The following STPG2 variants were observed in gnomAD, a reference collection of about 807,000 sequenced individuals.
STPG2 encodes sperm tail PG-rich repeat containing 2.
Under a neutral mutation model 54.2 loss-of-function variants are expected in STPG2, and 56 were observed. The ratio of observed to expected loss-of-function variants is 1.03; its 90% CI spans 0.83 to 1.29. The LOEUF is 1.29. Among genes scored for constraint, STPG2 ranks in the 50% most tolerant of loss-of-function variants. The pLI, the probability that STPG2 is intolerant of heterozygous loss-of-function variation, is 0.00. For missense variants in STPG2, 596 were observed against 544.9 expected, an observed-to-expected ratio of 1.09 and a Z score of -0.93; for synonymous variants, 200 against 181.8, an observed-to-expected ratio of 1.10 and a Z score of -0.81.
At chr4:97,468,453 T>G (rs1316506168) in intron 4 of STPG2, among the ~76,000 whole-genome samples, 1 of 152,036 alleles carries the variant, frequency 6.6e-6, no homozygotes, top group South Asian at 2.1e-4. Context: ...TTGCTATAAC[T>G]GACGTCACCT....
intron 9 of STPG2, among the ~76,000 whole-genome samples, chr4:97,800,053 C>G (rs534985785): frequency 6.6e-6 from 1 of 152,194 alleles, no homozygotes; most frequent in Non-Finnish European, 1.5e-5. Context: ...AAGGACTTCT[C>G]TACACTGATT....
intron 8 of STPG2, among the ~76,000 whole-genome samples, chr4:97,859,962 C>A (rs1247029966): frequency 6.6e-6 from 1 of 152,158 alleles, no homozygotes; most frequent in Non-Finnish European, 1.5e-5. Context: ...ATTATTCTGG[C>A]ATCATTTGTT....
At chr4:97,599,685 G>A (rs923321732) in intron 10 of STPG2, among the ~76,000 whole-genome samples, 5 of 151,816 alleles carry the variant, frequency 3.3e-5, no homozygotes, top group Admixed American at 6.6e-5. Flanking sequence ...TTACCAGGGC[G>A]TGGTGGCGGG....
chr4:98,137,767 T>C (rs1368492653), intron 1 of STPG2, among the ~76,000 whole-genome samples: 1 of 151,854 alleles, frequency 6.6e-6, no homozygotes, highest in African/African-American at 2.4e-5. Context: ...GTACTCAACA[T>C]ATTATTAATA....
chr4:97,777,051 G>C (rs1279025662), intron 9 of STPG2, among the ~76,000 whole-genome samples: 2 of 152,194 alleles, frequency 1.3e-5, no homozygotes, highest in Non-Finnish European at 2.9e-5. Flanking sequence ...AAACTATTAA[G>C]TACTATACAA....
At chr4:98,110,732 C>G (rs2110145614) in intron 3 of STPG2, among the ~76,000 whole-genome samples, 1 of 152,100 alleles carries the variant, frequency 6.6e-6, no homozygotes, top group East Asian at 1.9e-4. Flanking sequence ...GCCTTATGCC[C>G]CTCGATTGAA....
intron 10 of STPG2, among the ~76,000 whole-genome samples, chr4:97,614,009 A>T (rs1733797234): frequency 6.6e-6 from 1 of 152,150 alleles, no homozygotes; most frequent in Middle Eastern, 3.2e-3. Context: ...ATGGTGAAAT[A>T]AAATATAACA....
intron 10 of STPG2, among the ~76,000 whole-genome samples, chr4:97,632,289 T>G (rs1021664344): frequency 1.6e-4 from 24 of 151,030 alleles, no homozygotes; most frequent in Non-Finnish European, 3.1e-4. Context: ...TTATTGGTTT[T>G]TTTTTTTTTT....
intron 4 of STPG2, among the ~76,000 whole-genome samples, chr4:97,534,272 A>G (rs979397771): frequency 2.0e-5 from 3 of 152,078 alleles, no homozygotes; most frequent in African/African-American, 7.2e-5. Flanking sequence ...AATTTTTATT[A>G]CATTCTGTGT....
At chr4:97,687,604 T>G (rs767085889) in intron 10 of STPG2, among the ~76,000 whole-genome samples, 3 of 152,148 alleles carry the variant, frequency 2.0e-5, no homozygotes, top group Non-Finnish European at 4.4e-5. Flanking sequence ...CCTCCCAAAG[T>G]GCTGGGATTA....
intron 9 of STPG2, among the ~76,000 whole-genome samples, chr4:97,810,829 A>C (rs1055523485): frequency 2.0e-5 from 3 of 152,206 alleles, no homozygotes; most frequent in African/African-American, 7.2e-5. Context: ...CAGGATAAGC[A>C]AGCAATTTTA....
chr4:97,748,784 G>C (rs1361230405), intron 9 of STPG2, among the ~76,000 whole-genome samples: 1 of 151,444 alleles, frequency 6.6e-6, no homozygotes, highest in Non-Finnish European at 1.5e-5. Flanking sequence ...TTCTAATTTT[G>C]ATTTGTTCTT....
At chr4:97,880,141 A>C (rs1277330936) in intron 8 of STPG2, among the ~76,000 whole-genome samples, 1 of 152,232 alleles carries the variant, frequency 6.6e-6, no homozygotes, top group African/African-American at 2.4e-5. Flanking sequence ...AAATTCTGTC[A>C]TTCATTATAA....
At chr4:98,094,707 C>A (rs1378461017) in intron 5 of STPG2, among the ~76,000 whole-genome samples, 54 of 152,286 alleles carry the variant, frequency 3.5e-4, no homozygotes, top group Non-Finnish European at 2.9e-5. Flanking sequence ...CCTAGCACAA[C>A]CCCTCCACCT....
intron 9 of STPG2, among the ~76,000 whole-genome samples, chr4:97,823,362 A>G (rs183839623): frequency 8.5e-5 from 13 of 152,306 alleles, no homozygotes; most frequent in Non-Finnish European, 1.9e-4. Flanking sequence ...CTTAAAAATT[A>G]TGCTAAATAT....
At chr4:97,652,923 G>C (rs1414261891) in intron 10 of STPG2, among the ~76,000 whole-genome samples, 1 of 152,008 alleles carries the variant, frequency 6.6e-6, no homozygotes, top group Non-Finnish European at 1.5e-5. Flanking sequence ...GGTACTAAGA[G>C]AGGAGTTTTT....
At chr4:97,854,869 A>C (rs1560555781) in intron 8 of STPG2, among the ~76,000 whole-genome samples, 1 of 152,170 alleles carries the variant, frequency 6.6e-6, no homozygotes, top group Admixed American at 6.5e-5. Context: ...CCCAGTATCC[A>C]TTAGCTATTC....
chr4:97,670,000 AT>A (rs200430165), intron 10 of STPG2, among the ~76,000 whole-genome samples: 127 of 152,120 alleles, frequency 8.3e-4, no homozygotes, highest in Middle Eastern at 3.4e-3. Context: ...TGAAAAGCAC[AT>A]TTTTTTATTA....
At chr4:97,547,563 A>C (rs1250082334) in intron 4 of STPG2, among the ~76,000 whole-genome samples, 1 of 152,206 alleles carries the variant, frequency 6.6e-6, no homozygotes. Flanking sequence ...AATTTTAGAA[A>C]GTACTCTGCC....
Sources: allele counts gnomAD v4.1 joint callset (sites outside exome capture counted in the v4.1 genomes callset), GRCh38; gene constraint gnomAD v4.1.1; transcripts MANE v1.5; gene names NCBI Gene and HGNC (gene_info 2026-07-23, HGNC 2026-07-21).